The following NCKAP1 variants were observed in gnomAD, a reference collection of about 807,000 sequenced individuals.
The protein encoded by NCKAP1 is nck-associated protein 1.
NCKAP1 carries 21 observed loss-of-function variants against 151.2 expected under a neutral mutation model. The ratio of observed to expected loss-of-function variants is 0.14; its 90% CI spans 0.10 to 0.20. The LOEUF (loss-of-function observed/expected upper bound fraction) is 0.20. Ranked by LOEUF, NCKAP1 falls within the 10% of genes least tolerant of loss-of-function variation. The pLI is 1.00. For synonymous variants in NCKAP1, 484 were observed against 451.8 expected, an observed-to-expected ratio of 1.07 and a Z score of -0.90; for missense variants, 933 against 1,352.1, an observed-to-expected ratio of 0.69 and a Z score of 4.86.
At chr2:182,964,034 A>T (rs1258510025) in intron 17 of NCKAP1, among the ~76,000 whole-genome samples, 2 of 152,136 alleles carry the variant, frequency 1.3e-5, no homozygotes, top group Non-Finnish European at 2.9e-5. Flanking sequence ...CTAAACACTA[A>T]GTTAAATTAT....
chr2:182,925,735 A>G lies in NCKAP1; in HGVS notation c.3354T>C (p.Ala1118=). ...AAGATGTAACACTTTGTTTGTAGAC[A>G]GCATGGTATGCATTTCTCAGCAAGA... ...PYVLLRNAYH[A]VYKQSVTSSA The change falls in exon 31 of 31, where the codon GCT becomes GCC. Residue 1118 remains alanine, a synonymous_variant. Transcript: ENST00000361354. 3 of 1,582,124 alleles carry G rather than the reference A, an allele frequency of 1.9e-6. No individual in the cohort carries two copies. The highest frequency in any genetic ancestry group is 1.2e-5 in the South Asian group (1 of 85,186).
At chr2:182,962,974 T>G (rs1012877153) in intron 17 of NCKAP1, among the ~76,000 whole-genome samples, 3 of 152,094 alleles carry the variant, frequency 2.0e-5, no homozygotes, top group Admixed American at 6.6e-5. Context: ...TACACATTTC[T>G]AATACTTTAC....
intron 6 of NCKAP1, among the ~76,000 whole-genome samples, chr2:182,997,699 T>A (rs1575055947): frequency 6.6e-6 from 1 of 152,248 alleles, no homozygotes; most frequent in East Asian, 1.9e-4. Flanking sequence ...ATTGAATCAG[T>A]AATAAAATAC....
At chr2:182,956,333 C>T (rs915692525) in intron 20 of NCKAP1, 129 bp downstream of exon 20, 53 of 1,217,954 alleles carry the variant, frequency 4.4e-5, no homozygotes, top group Non-Finnish European at 6.0e-5. Flanking sequence ...AGCCACCACG[C>T]CCGGCCCGGT....
rs1275204110 is a variant in NCKAP1 at position 182,917,143 on chromosome 2, T to C, written c.*8559A>G. On this transcript the variant is annotated 3_prime_UTR_variant, in exon 31 of 31. Transcript: ENST00000361354. ...CATGATCTTATTTTAATGCTTACAA[T>C]AGCCCTTTAAAGTAGATATTATCCA... 11 of 152,214 alleles carry C rather than the reference T, an allele frequency of 7.2e-5. No individual in the cohort carries two copies. The highest frequency in any genetic ancestry group is 7.2e-4 in the Admixed American group (11 of 15,278). The allele number at this position is 152,214 out of a possible 1,614,324, so 9.4% of individuals were successfully genotyped here.
intron 19 of NCKAP1, 186 bp downstream of exon 19, chr2:182,957,271 C>A: frequency 1.7e-6 from 1 of 594,958 alleles, no homozygotes; most frequent in Non-Finnish European, 2.5e-6. Flanking sequence ...TTCTAAAGGC[C>A]AAAATCTGTA....
At chr2:182,991,712 C>A (rs1467671261) in intron 8 of NCKAP1, among the ~76,000 whole-genome samples, 1 of 149,272 alleles carries the variant, frequency 6.7e-6, no homozygotes, top group Admixed American at 6.7e-5. Flanking sequence ...CAAGTCTTGA[C>A]AAGAAAGTTG....
intron 26 of NCKAP1, among the ~76,000 whole-genome samples, chr2:182,933,454 C>T (rs548868474): frequency 8.8e-4 from 123 of 139,206 alleles, no homozygotes; most frequent in Non-Finnish European, 1.4e-3. Flanking sequence ...AGTGCAGTGG[C>T]GCAATCTCAG....
chr2:183,017,883 C>A (rs1698723856), intron 2 of NCKAP1, among the ~76,000 whole-genome samples: 1 of 152,182 alleles, frequency 6.6e-6, no homozygotes, highest in Non-Finnish European at 1.5e-5. Context: ...ATTTGTCACA[C>A]ACTGTACTAA....
At chr2:182,997,052 T>A (rs926059215) in intron 6 of NCKAP1, among the ~76,000 whole-genome samples, 3 of 152,224 alleles carry the variant, frequency 2.0e-5, no homozygotes, top group African/African-American at 7.2e-5. Context: ...TTCCTAGTAG[T>A]CTCTGATAAT....
At chr2:182,933,559 A>C (rs1421538071) in intron 26 of NCKAP1, among the ~76,000 whole-genome samples, 21 of 151,890 alleles carry the variant, frequency 1.4e-4, no homozygotes, top group Non-Finnish European at 1.5e-5. Context: ...ACGCCTGGCT[A>C]ATTTTGTATT....
chr2:182,962,067 A>T, intron 18 of NCKAP1, 92 bp downstream of exon 18: 2 of 1,327,998 alleles, frequency 1.5e-6, no homozygotes, highest in Non-Finnish European at 2.1e-6. Context: ...GTGGGAACTA[A>T]AGAATGGAAA....
At chr2:182,965,798 C>G (rs1418246945) in intron 16 of NCKAP1, among the ~76,000 whole-genome samples, 1 of 152,158 alleles carries the variant, frequency 6.6e-6, no homozygotes, top group Non-Finnish European at 1.5e-5. Flanking sequence ...CTGAAAATAT[C>G]TAAACATATA....
At chr2:182,982,364 C>T (rs1312813081) in intron 12 of NCKAP1, among the ~76,000 whole-genome samples, 1 of 152,068 alleles carries the variant, frequency 6.6e-6, no homozygotes, top group African/African-American at 2.4e-5. Flanking sequence ...CTCCAGATTC[C>T]CCAGCCCACA....
rs141507579 is a variant in NCKAP1, at chr2:182,916,944, A to C, written c.*8758T>G. On this transcript the variant is annotated 3_prime_UTR_variant, in exon 31 of 31. Transcript: ENST00000361354. ...ACTAACACACAAATGTTACATTTGC[A>C]TGAGTGGAAGTTCTGATATTATAAT... 1 of 152,314 alleles carries C rather than the reference A, an allele frequency of 6.6e-6. No homozygotes were observed. Among genetic ancestry groups the C allele is most frequent in the East Asian group, 1.9e-4 (1 of 5,188 alleles). The allele number at this position is 152,314 out of a possible 1,614,324, so 9.4% of individuals were successfully genotyped here.
chr2:183,004,611 T>C (rs557316684), intron 2 of NCKAP1, among the ~76,000 whole-genome samples: 43 of 151,752 alleles, frequency 2.8e-4, no homozygotes, highest in African/African-American at 1.0e-3. Flanking sequence ...CTAGAAAATA[T>C]TCACACTCAA....
At chr2:182,988,996 T>C in intron 9 of NCKAP1, 34 bp downstream of exon 9, 1 of 1,586,026 alleles carries the variant, frequency 6.3e-7, no homozygotes, top group South Asian at 1.2e-5. Context: ...ACCACCCTTC[T>C]CCAAAAAAGA....
chr2:182,990,456 T>C (rs537070847), intron 8 of NCKAP1, among the ~76,000 whole-genome samples: 16 of 152,338 alleles, frequency 1.1e-4, no homozygotes, highest in African/African-American at 3.6e-4. Flanking sequence ...ACTTTCAATA[T>C]ATTAAGTTGC....
intron 15 of NCKAP1, among the ~76,000 whole-genome samples, chr2:182,970,738 C>A (rs1384717275): frequency 6.6e-6 from 1 of 152,144 alleles, no homozygotes; most frequent in Non-Finnish European, 1.5e-5. Context: ...CACTTTTATT[C>A]AACACAGGAC....
Sources: gnomAD v4.1 joint callset for allele counts (sites outside exome capture counted in the v4.1 genomes callset) on GRCh38, gnomAD v4.1.1 for gene constraint, MANE v1.5 for transcripts, NCBI Gene and HGNC (gene_info 2026-07-23, HGNC 2026-07-21) for gene names.